The following THSD7A variants were observed in gnomAD, a reference collection of about 807,000 sequenced individuals.
The protein encoded by THSD7A is thrombospondin type 1 domain containing 7A, also known as thrombospondin type-1 domain-containing protein 7A.
THSD7A carries 96 observed loss-of-function variants against 231.3 expected under a neutral mutation model. The observed-to-expected ratio is 0.41, with a 90% CI of 0.35 to 0.49. THSD7A has a LOEUF of 0.49. Ranked by LOEUF, THSD7A falls within the 20% of genes least tolerant of loss-of-function variation. The pLI, the probability that THSD7A is intolerant of heterozygous loss-of-function variation, is 0.05. For synonymous variants in THSD7A, 940 were observed against 743.3 expected (o/e 1.26, Z -4.30); for missense variants, 2,290 against 2,070.2 (o/e 1.11, Z -2.06).
chr7:11,710,269 G>GA (rs35545313), intron 1 of THSD7A, among the ~76,000 whole-genome samples: 28 of 145,660 alleles, frequency 1.9e-4, no homozygotes, highest in East Asian at 1.4e-3. Flanking sequence ...CACTTTACAA[G>GA]AAAAAAAAAA....
intron 1 of THSD7A, among the ~76,000 whole-genome samples, chr7:11,723,164 A>G (rs1279223446): frequency 6.6e-6 from 1 of 152,046 alleles, no homozygotes; most frequent in African/African-American, 2.4e-5. Flanking sequence ...TGATGAGTTC[A>G]TGCCCTTTGT....
intron 4 of THSD7A, among the ~76,000 whole-genome samples, chr7:11,587,166 A>G (rs539174565): frequency 7.9e-5 from 12 of 152,280 alleles, no homozygotes; most frequent in Admixed American, 5.2e-4. Flanking sequence ...CATGCATCCA[A>G]TGATCAGCAA....
intron 1 of THSD7A, among the ~76,000 whole-genome samples, chr7:11,732,800 C>A (rs1354135867): frequency 6.6e-6 from 1 of 151,734 alleles, no homozygotes; most frequent in East Asian, 1.9e-4. Context: ...AAGCTTATTT[C>A]TTTAGATGAT....
At chr7:11,586,416 C>G (rs539427090) in intron 4 of THSD7A, among the ~76,000 whole-genome samples, 4 of 152,160 alleles carry the variant, frequency 2.6e-5, no homozygotes, top group Admixed American at 2.6e-4. Context: ...ATCTGAGAAT[C>G]TATGGAGACT....
chr7:11,718,248 T>C (rs192083779), intron 1 of THSD7A, among the ~76,000 whole-genome samples: 4 of 151,792 alleles, frequency 2.6e-5, no homozygotes, highest in Admixed American at 2.6e-4. Context: ...TCTGAGGACA[T>C]TTATTTAATA....
intron 1 of THSD7A, among the ~76,000 whole-genome samples, chr7:11,718,944 TA>T (rs199862095): frequency 0.021 from 3,107 of 151,018 alleles, 115 homozygotes; most frequent in African/African-American, 0.072. Flanking sequence ...AAAAAGGAAA[TA>T]AAAAAAAGCA....
At chr7:11,723,194 G>A (rs1169658639) in intron 1 of THSD7A, among the ~76,000 whole-genome samples, 1 of 151,908 alleles carries the variant, frequency 6.6e-6, no homozygotes, top group East Asian at 2.0e-4. Context: ...GATGAAGCTG[G>A]AAACCATCAT....
intron 1 of THSD7A, among the ~76,000 whole-genome samples, chr7:11,786,039 T>A (rs1348194972): frequency 6.6e-6 from 1 of 152,118 alleles, no homozygotes; most frequent in Non-Finnish European, 1.5e-5. Context: ...CATTTCTTCC[T>A]CCCTTCTCTT....
At chr7:11,421,448 G>T (rs1470098511) in intron 16 of THSD7A, among the ~76,000 whole-genome samples, 1 of 152,046 alleles carries the variant, frequency 6.6e-6, no homozygotes, top group Non-Finnish European at 1.5e-5. Context: ...TGTCTCTCCT[G>T]TACTGCCTGT....
At chr7:11,806,446 A>T (rs1486147925) in intron 1 of THSD7A, among the ~76,000 whole-genome samples, 2 of 152,194 alleles carry the variant, frequency 1.3e-5, no homozygotes, top group African/African-American at 4.8e-5. Flanking sequence ...TAAGGGTTAT[A>T]AGCAGGGACT....
At chr7:11,761,258 A>T (rs150738909) in intron 1 of THSD7A, among the ~76,000 whole-genome samples, 264 of 152,132 alleles carry the variant, frequency 1.7e-3, no homozygotes, top group African/African-American at 6.0e-3. Context: ...GGTTAAACAG[A>T]TATAAAAATC....
chr7:11,730,661 C>T (rs1359047277), intron 1 of THSD7A, among the ~76,000 whole-genome samples: 1 of 151,656 alleles, frequency 6.6e-6, no homozygotes, highest in Non-Finnish European at 1.5e-5. Context: ...CACCTGTATA[C>T]TGATTGGCAG....
chr7:11,757,801 T>C (rs1782732674), intron 1 of THSD7A, among the ~76,000 whole-genome samples: 1 of 151,760 alleles, frequency 6.6e-6, no homozygotes, highest in African/African-American at 2.4e-5. Context: ...CTGTAATACA[T>C]GAATATTTGA....
At chr7:11,388,298 A>T (rs1384601104) in intron 23 of THSD7A, among the ~76,000 whole-genome samples, 5 of 152,220 alleles carry the variant, frequency 3.3e-5, no homozygotes, top group Non-Finnish European at 7.4e-5. Context: ...CCTCTGGTAG[A>T]ATTTGACTGT....
intron 1 of THSD7A, among the ~76,000 whole-genome samples, chr7:11,751,535 A>C (rs1165428227): frequency 6.6e-6 from 1 of 151,968 alleles, no homozygotes; most frequent in African/African-American, 2.4e-5. Context: ...AAGAGAGTAC[A>C]ACGCAGAGTG....
In THSD7A at chr7:11,374,547, C is replaced by A. The variant is rs889017267; in HGVS notation, c.*1247G>T. 4.0e-5 allele frequency: 6 copies of A among 151,858 alleles called. No homozygotes were observed. The highest frequency in any genetic ancestry group is 7.4e-5 in the Non-Finnish European group (5 of 67,936). 9.4% of individuals were successfully genotyped at this position (151,858 alleles called of 1,614,324 possible). A position where few individuals can be genotyped will look rare whatever the true frequency, so the allele number is the denominator to read the frequency against. On this transcript the variant is annotated 3_prime_UTR_variant, in exon 28 of 28. Coordinates refer to ENST00000423059, the MANE Select transcript of THSD7A (RefSeq NM_015204.3). ...AAAATCAACATATAATTTTGATTTC[C>A]TTTAGTTACAAAGGTCATTGATACA...
At chr7:11,780,125 T>C (rs114344221) in intron 1 of THSD7A, among the ~76,000 whole-genome samples, 2,332 of 152,306 alleles carry the variant, frequency 0.015, 63 homozygotes, top group African/African-American at 0.053. Flanking sequence ...TTTCATTGTA[T>C]CCTCACATGG....
intron 8 of THSD7A, among the ~76,000 whole-genome samples, chr7:11,470,665 C>A (rs927689168): frequency 7.3e-5 from 11 of 151,530 alleles, no homozygotes; most frequent in Admixed American, 1.3e-4. Context: ...GGGATTTAAT[C>A]TTTTTTATGT....
chr7:11,404,938 G>A lies in THSD7A; in HGVS notation c.4237+1362C>T, dbSNP rs183920231. Among the ~76,000 whole-genome samples, 82 of 152,170 alleles carry A rather than the reference G, an allele frequency of 5.4e-4. 1 individual carries two copies. The highest frequency in any genetic ancestry group is 6.8e-3 in the Middle Eastern group (2 of 294). ...CCTTTACACTCATTGAGAAGGAGCTGCTATTCAGATTTTTGGTTTTTAAAA... is the reference window on the plus strand; with the variant it reads ...CCTTTACACTCATTGAGAAGGAGCTACTATTCAGATTTTTGGTTTTTAAAA... On this transcript the variant is annotated intron_variant, in intron 22 of 27. Transcript: ENST00000423059.
Sources: allele counts gnomAD v4.1 joint callset (sites outside exome capture counted in the v4.1 genomes callset), GRCh38; gene constraint gnomAD v4.1.1; transcripts MANE v1.5; gene names NCBI Gene and HGNC (gene_info 2026-07-23, HGNC 2026-07-21).